EDN2: variants seen among roughly 807,000 people sequenced by gnomAD.
EDN2 encodes the protein endothelin 2.
EDN2 carries 10 observed loss-of-function variants against 19.9 expected under a neutral mutation model. The ratio of observed to expected loss-of-function variants is 0.50; its 90% CI spans 0.31 to 0.85. The LOEUF (loss-of-function observed/expected upper bound fraction) is 0.85. EDN2 is among the 40% of genes least tolerant of loss of function. The pLI, the probability that EDN2 is intolerant of heterozygous loss-of-function variation, is 0.05. For missense variants in EDN2, 222 were observed against 239.3 expected, an observed-to-expected ratio of 0.93 and a Z score of 0.48; for synonymous variants, 84 against 94.9, an observed-to-expected ratio of 0.89 and a Z score of 0.67.
At position 41,484,597 on chromosome 1, in the gene EDN2, A is replaced by G; in HGVS notation, c.5T>C (p.Val2Ala). 6.4e-7 allele frequency: 1 copy of G among 1,559,342 alleles called. No homozygotes were observed. M[V>A]SVPTTWCSVA... is the part of the protein sequence containing the mutation. ...GGAGCACCAGGTGGTAGGCACGGAGACCATAGCGGCGGTGGAGCGCGCAGG... is the reference window on the plus strand; with the variant it reads ...GGAGCACCAGGTGGTAGGCACGGAGGCCATAGCGGCGGTGGAGCGCGCAGG... The change falls in exon 1 of 5, where the codon GTC becomes GCC. Residue 2 changes from valine (V) to alanine (A), a missense_variant. Val to Ala is a moderately conservative substitution (Grantham distance 64). Transcript: ENST00000372587.
Position 41,484,211 on chromosome 1 carries a change from C to T in EDN2, c.65-8G>A. 6.2e-7 allele frequency: 1 copy of T among 1,610,718 alleles called. No homozygotes were observed. On this transcript the variant is annotated splice_polypyrimidine_tract_variant and splice_region_variant and intron_variant, in intron 1 of 4. Transcript: ENST00000372587. ...CAGCAGCCTGGCCCTTCCCTGCATG[C>T]ACAGGAGGGAGAGAGAGGTGGAGAG... is the stretch of plus-strand genomic sequence containing the variant.
Position 41,482,602 on chromosome 1 carries a change from GC to G in EDN2, c.222-15del. The G allele has an allele frequency of 6.4e-7, 1 of 1,560,420 alleles. No individual in the cohort carries two copies. The highest frequency in any genetic ancestry group is 2.0e-5 in the Admixed American group (1 of 49,618). On this transcript the variant is annotated splice_polypyrimidine_tract_variant and intron_variant, in intron 2 of 4. Transcript: ENST00000372587. ...GGAGCTGTCTGTCTGTGGGCGGGCAGCCAGCAAGGTAGTGGTGTGGGGTGGA... is the reference window on the plus strand; with the variant it reads ...GGAGCTGTCTGTCTGTGGGCGGGCAGCAGCAAGGTAGTGGTGTGGGGTGGA...
At chr1:41,480,163 T>C (rs1400759786) in intron 4 of EDN2, among the ~76,000 whole-genome samples, 1 of 152,226 alleles carries the variant, frequency 6.6e-6, no homozygotes, top group African/African-American at 2.4e-5. Flanking sequence ...CTATGAAGTG[T>C]GCGCTTTTGA....
intron 3 of EDN2, among the ~76,000 whole-genome samples, chr1:41,481,642 C>A (rs1287757156): frequency 6.6e-6 from 1 of 151,912 alleles, no homozygotes; most frequent in African/African-American, 2.4e-5. Flanking sequence ...CAGGTTCAAC[C>A]GATTCTCCTG....
chr1:41,482,076 C>T (rs919363436), intron 3 of EDN2, among the ~76,000 whole-genome samples: 6 of 152,172 alleles, frequency 3.9e-5, no homozygotes, highest in Admixed American at 2.6e-4. Flanking sequence ...AACCTCAGGT[C>T]GGAATCCAAA....
chr1:41,482,346 G>A, intron 3 of EDN2, 120 bp downstream of exon 3: 1 of 1,248,540 alleles, frequency 8.0e-7, no homozygotes, highest in South Asian at 1.9e-5. Flanking sequence ...GGGCCCCTGG[G>A]TCGCTTCTCA....
intron 3 of EDN2, among the ~76,000 whole-genome samples, chr1:41,481,771 C>G (rs1436550469): frequency 6.6e-6 from 1 of 152,140 alleles, no homozygotes; most frequent in Non-Finnish European, 1.5e-5. Flanking sequence ...GAACTCCTGA[C>G]CTCAGGTGAT....
In EDN2 at chr1:41,479,232, C is replaced by T; in HGVS notation, c.*177G>A. 2 of 699,690 alleles carry T rather than the reference C, an allele frequency of 2.9e-6. No individual in the cohort carries two copies. Among genetic ancestry groups the T allele is most frequent in the Non-Finnish European group, 5.2e-6 (2 of 384,910 alleles). The allele number at this position is 699,690 out of a possible 1,614,324, so 43.3% of individuals were successfully genotyped here. On this transcript the variant is annotated 3_prime_UTR_variant, in exon 5 of 5. Coordinates refer to ENST00000372587, the MANE Select transcript of EDN2 (RefSeq NM_001956.5). ...CCCTGGGCAGTGCGAGGACACAGAA[C>T]TGCCTTGGACGAGGCTCCCTCACCA...
At chr1:41,484,476 AG>A in intron 1 of EDN2, 61 bp downstream of exon 1, 13 of 1,543,282 alleles carry the variant, frequency 8.4e-6, no homozygotes, top group Non-Finnish European at 1.1e-5. Flanking sequence ...GCAGCCCTAG[AG>A]GGAGACAGAG....
At chr1:41,479,581 G>A in intron 4 of EDN2, 79 bp from the exon 5 acceptor site, 2 of 1,277,014 alleles carry the variant, frequency 1.6e-6, no homozygotes, top group Non-Finnish European at 2.3e-6. Flanking sequence ...CAGGGGCAAT[G>A]GGGCTACAGC....
chr1:41,480,648 GT>G, intron 4 of EDN2: 1 of 456,108 alleles, frequency 2.2e-6, no homozygotes, highest in South Asian at 1.6e-5. Context: ...TCTTGAGTTG[GT>G]TTGGTTGAAC....
chr1:41,484,007 C>G (rs533268002), intron 2 of EDN2, 40 bp downstream of exon 2: 7 of 1,543,624 alleles, frequency 4.5e-6, no homozygotes, highest in East Asian at 2.4e-5. Context: ...GACACCCTGC[C>G]CCAGAGCTCC....
intron 1 of EDN2, 96 bp downstream of exon 1, chr1:41,484,442 C>T: frequency 1.4e-6 from 2 of 1,472,818 alleles, no homozygotes; most frequent in South Asian, 2.6e-5. Context: ...CCCCTGTCTG[C>T]CCCCAGCTGG....
At position 41,482,552 on chromosome 1, in the gene EDN2, T is replaced by A. The variant is rs1644257147; in HGVS notation, c.258A>T (p.Arg86Ser). Residue 86 changes from arginine to serine, a missense_variant, in exon 3 of 5, where the codon AGA (arginine) becomes AGT (serine). Transcript: ENST00000372587. ...GCCTTGGCAGGGAGCGGCGCCGGCGTCTTGGCGGGTTTCCCAGGCCGTAAG... is the reference window on the plus strand; with the variant it reads ...GCCTTGGCAGGGAGCGGCGCCGGCGACTTGGCGGGTTTCCCAGGCCGTAAG... The part of the protein sequence containing the change: ...TAPYGLGNPP[R>S]RRRRSLPRRC... 1 of 1,587,884 alleles carries A rather than the reference T, an allele frequency of 6.3e-7. No homozygotes were observed. The highest frequency in any genetic ancestry group is 1.1e-5 in the South Asian group (1 of 89,048).
intron 2 of EDN2, among the ~76,000 whole-genome samples, chr1:41,483,440 G>T (rs951596212): frequency 6.6e-6 from 1 of 152,244 alleles, no homozygotes; most frequent in Non-Finnish European, 1.5e-5. Context: ...TCAACTGAAG[G>T]TATGCAGTGG....
intron 4 of EDN2, chr1:41,480,759 T>C (rs1244994222): frequency 2.0e-6 from 1 of 508,480 alleles, no homozygotes; most frequent in Admixed American, 2.3e-5. Flanking sequence ...GGCTGGGCAG[T>C]TGGCCCCTCT....
chr1:41,479,825 C>T (rs1051505980), intron 4 of EDN2, among the ~76,000 whole-genome samples: 1 of 152,254 alleles, frequency 6.6e-6, no homozygotes, highest in African/African-American at 2.4e-5. Flanking sequence ...CAGCTTTCCA[C>T]ACCTTTGCTC....
Position 41,479,501 on chromosome 1 carries a change from C to G in EDN2, c.445G>C (p.Asp149His), listed in dbSNP as rs767848243. The G allele has an allele frequency of 6.2e-7, 1 of 1,613,758 alleles. No individual in the cohort carries two copies. Among genetic ancestry groups the G allele is most frequent in the Admixed American group, 1.7e-5 (1 of 59,998 alleles). ...TTGELLQRLR[D>H]ISTVKSLFAK... is the part of the protein sequence containing the mutation. ...AAGAGGCTCTTGACTGTGGAAATGTCCCTGGGAATCAAGAAGGGTCAACTT... is the reference window on the plus strand; with the variant it reads ...AAGAGGCTCTTGACTGTGGAAATGTGCCTGGGAATCAAGAAGGGTCAACTT... The change falls in exon 5 of 5, where the codon GAC (aspartate) becomes CAC (histidine). Residue 149 changes from aspartate to histidine, a missense_variant and splice_region_variant. Physicochemically the swap from Asp to His is moderately conservative, Grantham distance 81 (BLOSUM62 -1). Coordinates refer to ENST00000372587, the MANE Select transcript of EDN2 (RefSeq NM_001956.5).
intron 4 of EDN2, 62 bp downstream of exon 4, chr1:41,481,033 T>C: frequency 1.5e-6 from 2 of 1,375,682 alleles, no homozygotes; most frequent in Non-Finnish European, 2.1e-6. Flanking sequence ...ACATAGAAAA[T>C]ATGGGAAATG....
Sources: allele counts gnomAD v4.1 joint callset (sites outside exome capture counted in the v4.1 genomes callset), GRCh38; gene constraint gnomAD v4.1.1; transcripts MANE v1.5; gene names NCBI Gene and HGNC (gene_info 2026-07-23, HGNC 2026-07-21).